LRP1B: variants seen among roughly 807,000 people sequenced by gnomAD.
LRP1B encodes LDL receptor related protein 1B.
In LRP1B, 217 loss-of-function variants were observed where a neutral mutation model predicts 556.6. The observed-to-expected ratio is 0.39, with a 90% CI of 0.35 to 0.44. LRP1B has a LOEUF of 0.44. LRP1B is among the 20% of genes least tolerant of loss of function. LRP1B has a pLI of 1.00. For missense variants in LRP1B, 5,053 were observed against 5,620.8 expected (o/e 0.90, Z 3.23); for synonymous variants, 2,047 against 1,865.8 (o/e 1.10, Z -2.50).
chr2:141,246,730 C>A (rs118177697), intron 5 of LRP1B, among the ~76,000 whole-genome samples: 7 of 152,162 alleles, frequency 4.6e-5, no homozygotes, highest in African/African-American at 1.7e-4. Flanking sequence ...TTTGGGAGGC[C>A]TTGGTGGGTG....
chr2:140,274,313 T>C, intron 85 of LRP1B, 111 bp downstream of exon 85: 4 of 945,092 alleles, frequency 4.2e-6, no homozygotes, highest in Non-Finnish European at 6.5e-6. Context: ...ATGGGCACAA[T>C]ACGGAATTTT....
chr2:141,232,501 G>A (rs896412645), intron 5 of LRP1B, among the ~76,000 whole-genome samples: 18 of 152,186 alleles, frequency 1.2e-4, no homozygotes, highest in African/African-American at 3.9e-4. Flanking sequence ...TCTTTGAAGA[G>A]AGGCCGGAAT....
chr2:141,883,789 AT>A (rs1225130404), intron 1 of LRP1B, among the ~76,000 whole-genome samples: 1 of 152,144 alleles, frequency 6.6e-6, no homozygotes, highest in Non-Finnish European at 1.5e-5. Context: ...AGATTGAATT[AT>A]TTTTAATCTC....
intron 1 of LRP1B, among the ~76,000 whole-genome samples, chr2:141,992,661 G>T (rs1406719563): frequency 6.6e-6 from 1 of 152,114 alleles, no homozygotes; most frequent in Non-Finnish European, 1.5e-5. Context: ...CCTGCATTCT[G>T]CCCGGTGTGG....
At chr2:140,905,028 G>A (rs1393460767) in intron 22 of LRP1B, among the ~76,000 whole-genome samples, 1 of 152,020 alleles carries the variant, frequency 6.6e-6, no homozygotes, top group African/African-American at 2.4e-5. Context: ...AGAACCTGTT[G>A]ATTCTTAGCC....
chr2:141,808,176 A>T (rs1696223107), intron 2 of LRP1B, among the ~76,000 whole-genome samples: 1 of 152,040 alleles, frequency 6.6e-6, no homozygotes, highest in East Asian at 1.9e-4. Context: ...CTCAACTACT[A>T]TTGCATTGTG....
chr2:141,480,019 C>CAG (rs575831034), intron 3 of LRP1B, among the ~76,000 whole-genome samples: 168 of 152,072 alleles, frequency 1.1e-3, no homozygotes, highest in Non-Finnish European at 1.8e-3. Flanking sequence ...TTTGTTTAAG[C>CAG]AGAGGTTCAG....
intron 2 of LRP1B, among the ~76,000 whole-genome samples, chr2:141,745,921 C>A (rs1693900461): frequency 6.6e-6 from 1 of 151,768 alleles, no homozygotes; most frequent in African/African-American, 2.4e-5. Context: ...AGGACTGGGT[C>A]CTTTCCTTCA....
intron 35 of LRP1B, among the ~76,000 whole-genome samples, chr2:140,737,460 G>A (rs1489432992): frequency 6.6e-6 from 1 of 152,140 alleles, no homozygotes; most frequent in Admixed American, 6.6e-5. Flanking sequence ...TTACATTCTG[G>A]CTCTTTGTGG....
chr2:141,912,325 T>G (rs1315837275), intron 1 of LRP1B, among the ~76,000 whole-genome samples: 1 of 152,198 alleles, frequency 6.6e-6, no homozygotes, highest in Admixed American at 6.5e-5. Flanking sequence ...TAGATACTAA[T>G]ATCTATGAAA....
chr2:140,516,096 G>A (rs929141453), intron 50 of LRP1B, among the ~76,000 whole-genome samples: 1 of 151,946 alleles, frequency 6.6e-6, no homozygotes, highest in African/African-American at 2.4e-5. Flanking sequence ...GGAGGTAGAA[G>A]ATGAAAGGCA....
At chr2:141,138,304 G>A (rs1294485824) in intron 7 of LRP1B, among the ~76,000 whole-genome samples, 2 of 151,874 alleles carry the variant, frequency 1.3e-5, no homozygotes, top group African/African-American at 2.4e-5. Context: ...GAAACTTACG[G>A]GTAGTATACT....
chr2:142,093,442 A>G (rs1430744394), intron 1 of LRP1B, among the ~76,000 whole-genome samples: 1 of 152,116 alleles, frequency 6.6e-6, no homozygotes, highest in Non-Finnish European at 1.5e-5. Context: ...GCTCCTTTCT[A>G]TTTTAAGATC....
At chr2:141,608,808 C>T (rs1290128314) in intron 2 of LRP1B, among the ~76,000 whole-genome samples, 2 of 152,130 alleles carry the variant, frequency 1.3e-5, no homozygotes, top group Non-Finnish European at 2.9e-5. Flanking sequence ...CAAAATGCTT[C>T]AGTTGATTTT....
intron 21 of LRP1B, among the ~76,000 whole-genome samples, chr2:140,911,168 T>C (rs2105237758): frequency 6.6e-6 from 1 of 151,906 alleles, no homozygotes; most frequent in South Asian, 2.1e-4. Flanking sequence ...TAGAACTCAG[T>C]GTATGTAGGC....
At chr2:140,272,413 T>C (rs1022298584) in intron 85 of LRP1B, among the ~76,000 whole-genome samples, 2 of 151,950 alleles carry the variant, frequency 1.3e-5, no homozygotes, top group African/African-American at 4.8e-5. Context: ...TATGATCAAG[T>C]CTTTCTTCAC....
rs753190235 is a variant in LRP1B at position 140,297,865 on chromosome 2, C to G, written c.12910G>C (p.Gly4304Arg). ...QNGGTCIVTA[G>R]NQPYCHCQPE... ...TGGCAGTGGCAGTAAGGCTGGTTTC[C>G]AGCAGTCACAATGCAGGTTCCTCCA... is the stretch of plus-strand genomic sequence containing the variant. Residue 4304 changes from glycine to arginine, a missense_variant, in exon 84 of 91, where the codon GGA becomes CGA. By Grantham distance (125) the Gly-to-Arg change is moderately radical. Coordinates refer to ENST00000389484, the MANE Select transcript of LRP1B (RefSeq NM_018557.3). 3.1e-6 allele frequency: 5 copies of G among 1,613,816 alleles called. No homozygotes were observed. The Admixed American group carries it at 8.3e-5, about 27-fold the overall frequency.
At chr2:141,078,642 G>T (rs573139526) in intron 7 of LRP1B, among the ~76,000 whole-genome samples, 1 of 151,160 alleles carries the variant, frequency 6.6e-6, no homozygotes, top group Non-Finnish European at 1.5e-5. Context: ...AAAGAGAAAT[G>T]AAGCAAGCAT....
rs552083750 is a variant in LRP1B at position 141,690,255 on chromosome 2, A to G, written c.205+120024T>C. Reference sequence around the variant, plus strand: ...TTGAATTTTATTATGCTTTACAAGCATGCTGCTTCTTGGTATTCCAATTAA... The same window carrying G: ...TTGAATTTTATTATGCTTTACAAGCGTGCTGCTTCTTGGTATTCCAATTAA... On this transcript the variant is annotated intron_variant, in intron 2 of 90. Transcript: ENST00000389484. 1.1e-4 allele frequency among the ~76,000 whole-genome samples: 16 copies of G among 151,196 alleles called. No homozygotes were observed. In the East Asian group the frequency reaches 2.9e-3, roughly 28 times the overall value.
Sources: gnomAD v4.1 joint callset for allele counts (sites outside exome capture counted in the v4.1 genomes callset) on GRCh38, gnomAD v4.1.1 for gene constraint, MANE v1.5 for transcripts, NCBI Gene and HGNC (gene_info 2026-07-23, HGNC 2026-07-21) for gene names.